COL14A1: variants seen among roughly 807,000 people sequenced by gnomAD.
The protein encoded by COL14A1 is collagen type XIV alpha 1 chain.
A neutral mutation model predicts 230.3 loss-of-function variants in COL14A1; 136 were observed. The ratio of observed to expected loss-of-function variants is 0.59; its 90% CI spans 0.51 to 0.68. The LOEUF (loss-of-function observed/expected upper bound fraction) is 0.68. Ranked by LOEUF, COL14A1 falls within the 30% of genes least tolerant of loss-of-function variation. COL14A1 has a pLI of 0.00. For synonymous variants in COL14A1, 792 were observed against 784.1 expected (o/e 1.01, Z -0.17); for missense variants, 1,976 against 2,215.8 (o/e 0.89, Z 2.17).
chr8:120,280,646 C>T (rs374323883), intron 29 of COL14A1, 65 bp from the exon 30 acceptor site: 12 of 1,459,000 alleles, frequency 8.2e-6, no homozygotes, highest in African/African-American at 1.4e-5. Flanking sequence ...GTTCTCAGGA[C>T]AGGGAAAGAG....
intron 26 of COL14A1, among the ~76,000 whole-genome samples, chr8:120,276,705 G>A (rs1216625283): frequency 6.6e-6 from 1 of 151,694 alleles, no homozygotes; most frequent in African/African-American, 2.4e-5. Flanking sequence ...GTAAGGGGGA[G>A]GGATAGCATT....
chr8:120,314,274 G>A (rs1821137943), intron 38 of COL14A1, among the ~76,000 whole-genome samples: 1 of 152,110 alleles, frequency 6.6e-6, no homozygotes, highest in South Asian at 2.1e-4. Context: ...GTCTATAGAG[G>A]AAGAACAAAG....
chr8:120,207,663 T>A (rs1348227311), intron 10 of COL14A1, among the ~76,000 whole-genome samples: 1 of 152,210 alleles, frequency 6.6e-6, no homozygotes, highest in African/African-American at 2.4e-5. Flanking sequence ...CTACCTTTGA[T>A]ACCACAATTC....
chr8:120,231,412 A>C, intron 18 of COL14A1, 55 bp from the exon 19 acceptor site: 1 of 1,574,826 alleles, frequency 6.3e-7, no homozygotes, highest in East Asian at 2.2e-5. Context: ...TCTGTGGCTC[A>C]TTTTGGAATA....
chr8:120,320,866 G>A (rs962476608), intron 40 of COL14A1, among the ~76,000 whole-genome samples: 1 of 152,190 alleles, frequency 6.6e-6, no homozygotes, highest in African/African-American at 2.4e-5. Flanking sequence ...ATATGTGCAG[G>A]TGCTTTGCAA....
intron 1 of COL14A1, among the ~76,000 whole-genome samples, chr8:120,130,128 T>A (rs1040659755): frequency 6.6e-6 from 1 of 152,186 alleles, no homozygotes; most frequent in African/African-American, 2.4e-5. Flanking sequence ...ATGATGTAAA[T>A]CAAATATGTC....
intron 19 of COL14A1, among the ~76,000 whole-genome samples, chr8:120,237,444 T>C (rs1270888908): frequency 6.6e-6 from 1 of 152,264 alleles, no homozygotes; most frequent in African/African-American, 2.4e-5. Context: ...TCTTACGCTG[T>C]GTTTTTCAGC....
chr8:120,265,826 C>T (rs28500675), intron 24 of COL14A1, among the ~76,000 whole-genome samples: 1 of 151,686 alleles, frequency 6.6e-6, no homozygotes, highest in South Asian at 2.1e-4. Flanking sequence ...TTTTATTGAA[C>T]CTTAAAGTTG....
At chr8:120,316,712 G>T (rs774968957) in intron 40 of COL14A1, among the ~76,000 whole-genome samples, 2 of 152,008 alleles carry the variant, frequency 1.3e-5, no homozygotes, top group Non-Finnish European at 2.9e-5. Context: ...GTACCATCTA[G>T]GCTGAGTCTT....
intron 40 of COL14A1, among the ~76,000 whole-genome samples, chr8:120,323,059 C>T (rs1821514167): frequency 6.6e-6 from 1 of 152,164 alleles, no homozygotes; most frequent in Non-Finnish European, 1.5e-5. Context: ...ACTTCTCCAG[C>T]ATCTGTCTTT....
At chr8:120,134,939 C>T (rs1416519500) in intron 1 of COL14A1, among the ~76,000 whole-genome samples, 1 of 152,192 alleles carries the variant, frequency 6.6e-6, no homozygotes, top group Non-Finnish European at 1.5e-5. Context: ...TGCACCACTG[C>T]ACTCCAGCCT....
At position 120,318,774 on chromosome 8, in the gene COL14A1, G is replaced by T. The variant is rs79453606; in HGVS notation, c.4659+2777G>T. The stretch of plus-strand genomic sequence containing the variant: ...AATAATTACAACAACAATAACAACC[G>T]TGGCATAGAAAGAGAGCAAACGCAG... On this transcript the variant is annotated intron_variant, in intron 40 of 47. Transcript: ENST00000297848. Among the ~76,000 whole-genome samples the T allele has an allele frequency of 2.1e-3, 314 of 152,242 alleles. 2 individuals carry two copies. The highest frequency in any genetic ancestry group is 3.5e-3 in the Non-Finnish European group (241 of 68,026).
At chr8:120,335,731 G>T (rs1016557475) in intron 42 of COL14A1, among the ~76,000 whole-genome samples, 1 of 152,160 alleles carries the variant, frequency 6.6e-6, no homozygotes, top group Non-Finnish European at 1.5e-5. Flanking sequence ...GGCTCCCTAG[G>T]GCAGAATGTA....
At chr8:120,197,699 AT>A in intron 6 of COL14A1, 111 bp from the exon 7 acceptor site, 1 of 1,156,304 alleles carries the variant, frequency 8.6e-7, no homozygotes, top group Non-Finnish European at 1.2e-6. Flanking sequence ...CCAGGCCAAA[AT>A]AAAAAATTTT....
intron 23 of COL14A1, 67 bp from the exon 24 acceptor site, chr8:120,262,801 C>G (rs994237952): frequency 6.7e-7 from 1 of 1,492,120 alleles, no homozygotes; most frequent in Non-Finnish European, 9.0e-7. Flanking sequence ...AGCAAATCAT[C>G]TGCCAATGGC....
At chr8:120,143,929 T>C (rs1815003369) in intron 1 of COL14A1, among the ~76,000 whole-genome samples, 2 of 152,146 alleles carry the variant, frequency 1.3e-5, no homozygotes, top group African/African-American at 4.8e-5. Context: ...ACACCTAGAA[T>C]AGTATTCTCA....
At chr8:120,132,819 T>G (rs1196587593) in intron 1 of COL14A1, among the ~76,000 whole-genome samples, 1 of 152,140 alleles carries the variant, frequency 6.6e-6, no homozygotes, top group Non-Finnish European at 1.5e-5. Flanking sequence ...ACAAACATGT[T>G]GAAAAAGTTG....
At chr8:120,301,811 A>G (rs55787443) in intron 36 of COL14A1, among the ~76,000 whole-genome samples, 4,069 of 152,036 alleles carry the variant, frequency 0.027, 184 homozygotes, top group African/African-American at 0.092. Flanking sequence ...ACTAATTTAC[A>G]CTCCCACCAA....
At chr8:120,175,900 A>G (rs1374446182) in intron 5 of COL14A1, among the ~76,000 whole-genome samples, 2 of 152,214 alleles carry the variant, frequency 1.3e-5, no homozygotes, top group African/African-American at 2.4e-5. Flanking sequence ...TCATAAAAAA[A>G]TACATATATA....
Sources: gnomAD v4.1 joint callset for allele counts (sites outside exome capture counted in the v4.1 genomes callset) on GRCh38, gnomAD v4.1.1 for gene constraint, MANE v1.5 for transcripts, NCBI Gene and HGNC (gene_info 2026-07-23, HGNC 2026-07-21) for gene names.